TRIM5: variants seen among roughly 807,000 people sequenced by gnomAD.
TRIM5 encodes tripartite motif containing 5, also known as tripartite motif-containing protein 5.
In TRIM5, 31 loss-of-function variants were observed where a neutral mutation model predicts 35.6. That is an observed-to-expected ratio of 0.87 (90% CI 0.65 to 1.18). The LOEUF (loss-of-function observed/expected upper bound fraction) is 1.18, where lower values mean the gene tolerates loss of function less well. Ranked by LOEUF, TRIM5 falls within the 50% of genes most tolerant of loss-of-function variation. TRIM5 has a pLI of 0.00. For missense variants in TRIM5, 609 were observed against 591.6 expected, an observed-to-expected ratio of 1.03 and a Z score of -0.31; for synonymous variants, 243 against 215.6, an observed-to-expected ratio of 1.13 and a Z score of -1.11.
At chr11:5,629,382 T>C in the TRIM5 span, among the ~76,000 whole-genome samples, 1 of 152,170 alleles carries the variant, frequency 6.6e-6, no homozygotes, top group Non-Finnish European at 1.5e-5. Flanking sequence ...TTCAAATAAG[T>C]TCACATTCAC....
intron 1 of TRIM5, 40 bp from the exon 2 acceptor site, chr11:5,680,278 A>C: frequency 8.2e-7 from 1 of 1,217,354 alleles, no homozygotes; most frequent in Non-Finnish European, 1.1e-6. Context: ...CAAGTAAGAA[A>C]GGTAGAAATA....
chr11:5,595,795 C>T, the TRIM5 span, among the ~76,000 whole-genome samples: 1 of 151,234 alleles, frequency 6.6e-6, no homozygotes, highest in African/African-American at 2.4e-5. Context: ...CGGGTTCAAG[C>T]GATTCTCCTG....
the TRIM5 span, chr11:5,634,530 C>CACATAT: frequency 1.7e-4 from 45 of 262,004 alleles, 1 homozygote; most frequent in African/African-American, 1.2e-3. Context: ...CACACACACA[C>CACATAT]ATATATATAT....
chr11:5,647,220 T>G, the TRIM5 span, among the ~76,000 whole-genome samples: 1 of 152,162 alleles, frequency 6.6e-6, no homozygotes, highest in Non-Finnish European at 1.5e-5. Flanking sequence ...AATACCAAAC[T>G]AATAGTGGTC....
At chr11:5,669,996 A>T (rs977917521) in intron 4 of TRIM5, 3 of 157,862 alleles carry the variant, frequency 1.9e-5, no homozygotes, top group African/African-American at 7.2e-5. Flanking sequence ...CAAAAATATG[A>T]TCAATGTCCT....
the TRIM5 span, among the ~76,000 whole-genome samples, chr11:5,627,514 T>C: frequency 6.6e-6 from 1 of 152,234 alleles, no homozygotes; most frequent in Non-Finnish European, 1.5e-5. Context: ...TCTTTCAGCA[T>C]ATTCTCACGA....
chr11:5,679,587 T>C (rs1250696983), intron 2 of TRIM5, among the ~76,000 whole-genome samples, 174 bp downstream of exon 2: 3 of 152,064 alleles, frequency 2.0e-5, no homozygotes, highest in Non-Finnish European at 4.4e-5. Flanking sequence ...TCTCCTGTAA[T>C]TGGGTGAAAT....
intron 1 of TRIM5, chr11:5,683,837 GAAT>G (rs1485332283): frequency 2.0e-5 from 3 of 152,266 alleles, no homozygotes; most frequent in African/African-American, 7.2e-5. Context: ...CCAGATAAGA[GAAT>G]AAAAGCAGGC....
In TRIM5 at chr11:5,663,478, CT is replaced by C; in HGVS notation, c.*1330del. ...ATCCTAGTTTCCCTGAAGGCACAAC[CT>C]GTTCCATGAGACATTAACAGAGTTT... On this transcript the variant is annotated 3_prime_UTR_variant, in exon 8 of 8. Coordinates refer to ENST00000380034, the MANE Select transcript of TRIM5 (RefSeq NM_033034.3). 1.0e-6 allele frequency: 1 copy of C among 985,272 alleles called. No individual in the cohort carries two copies. The highest frequency in any genetic ancestry group is 1.2e-6 in the Non-Finnish European group (1 of 829,850). The allele number at this position is 985,272 out of a possible 1,614,324, so 61.0% of individuals were successfully genotyped here.
chr11:5,641,570 C>A, the TRIM5 span, among the ~76,000 whole-genome samples: 1 of 152,106 alleles, frequency 6.6e-6, no homozygotes, highest in Non-Finnish European at 1.5e-5. Flanking sequence ...TAAAATAGGG[C>A]ATGGAGACAG....
the TRIM5 span, among the ~76,000 whole-genome samples, chr11:5,599,205 T>G: frequency 6.6e-6 from 1 of 152,208 alleles, no homozygotes; most frequent in African/African-American, 2.4e-5. Flanking sequence ...AGTGATGTCA[T>G]GGATTCTTTT....
At chr11:5,634,253 A>G in the TRIM5 span, among the ~76,000 whole-genome samples, 1 of 152,122 alleles carries the variant, frequency 6.6e-6, no homozygotes, top group Non-Finnish European at 1.5e-5. Context: ...GCAGGCAGTC[A>G]TGAATATCCA....
At chr11:5,603,627 G>C in the TRIM5 span, 1 of 1,613,664 alleles carries the variant, frequency 6.2e-7, no homozygotes, top group Non-Finnish European at 8.5e-7. Flanking sequence ...AAAAACTGCA[G>C]CTCTTCTGTC....
chr11:5,607,681 A>G, the TRIM5 span, among the ~76,000 whole-genome samples: 1 of 152,202 alleles, frequency 6.6e-6, no homozygotes, highest in African/African-American at 2.4e-5. Flanking sequence ...CAGGGTGAAT[A>G]TATGGTAGTT....
the TRIM5 span, chr11:5,611,653 G>T: frequency 7.5e-6 from 2 of 265,674 alleles, no homozygotes; most frequent in South Asian, 1.1e-4. Flanking sequence ...GGGTTTCACC[G>T]TGTTGGCCAG....
chr11:5,629,689 C>A, the TRIM5 span, among the ~76,000 whole-genome samples: 1 of 152,150 alleles, frequency 6.6e-6, no homozygotes, highest in African/African-American at 2.4e-5. Flanking sequence ...TTCAGGTGAG[C>A]TCTCCGTGAG....
the TRIM5 span, among the ~76,000 whole-genome samples, chr11:5,638,532 C>T: frequency 6.6e-6 from 1 of 152,140 alleles, no homozygotes. Flanking sequence ...ACATCTTGCT[C>T]AAAACAAATT....
chr11:5,679,937 T>C lies in TRIM5; in HGVS notation c.241A>G (p.Arg81Gly), dbSNP rs1411818771. Residue 81 changes from arginine to glycine, a missense_variant, in exon 2 of 8, where the codon AGG (arginine) becomes GGG (glycine). By Grantham distance (125) the Arg-to-Gly change is moderately radical (BLOSUM62 -2). Transcript: ENST00000380034. ...CCCTCTGGGCTCAACTTGACCTCCC[T>C]GAGCTTCTCCACTATGTTGGCTACA... ...RHVANIVEKL[R>G]EVKLSPEGQK... 17 of 1,614,036 alleles carry C rather than the reference T, an allele frequency of 1.1e-5. No individual in the cohort carries two copies. The highest frequency in any genetic ancestry group is 1.4e-5 in the Non-Finnish European group (16 of 1,180,030).
the TRIM5 span, among the ~76,000 whole-genome samples, chr11:5,595,948 T>C: frequency 6.6e-6 from 1 of 152,246 alleles, no homozygotes; most frequent in East Asian, 1.9e-4. Flanking sequence ...CCCAAAGTGC[T>C]GGGATTACAG....
Sources: gnomAD v4.1 joint callset for allele counts (sites outside exome capture counted in the v4.1 genomes callset) on GRCh38, gnomAD v4.1.1 for gene constraint, MANE v1.5 for transcripts, NCBI Gene and HGNC (gene_info 2026-07-23, HGNC 2026-07-21) for gene names.